Variants in SIM1 observed in about 807,000 individuals in gnomAD.
The protein encoded by SIM1 is single-minded homolog 1.
A neutral mutation model predicts 78.2 loss-of-function variants in SIM1; 18 were observed. The ratio of observed to expected loss-of-function variants is 0.23; its 90% CI spans 0.16 to 0.34. The LOEUF (loss-of-function observed/expected upper bound fraction) is 0.34, where lower values mean the gene tolerates loss of function less well. Among genes scored for constraint, SIM1 ranks in the 10% least tolerant of loss-of-function variants. The pLI is 1.00. For missense variants in SIM1, 939 were observed against 975.1 expected, an observed-to-expected ratio of 0.96 and a Z score of 0.49; for synonymous variants, 417 against 385.2, an observed-to-expected ratio of 1.08 and a Z score of -0.97.
At chr6:100,443,379 T>C (rs1303793049) in intron 9 of SIM1, among the ~76,000 whole-genome samples, 2 of 152,122 alleles carry the variant, frequency 1.3e-5, no homozygotes, top group Non-Finnish European at 2.9e-5. Flanking sequence ...AGTTGAGATG[T>C]TAAATCTGTC....
At chr6:100,423,089 A>T (rs1466527903) in intron 9 of SIM1, among the ~76,000 whole-genome samples, 1 of 152,230 alleles carries the variant, frequency 6.6e-6, no homozygotes, top group Admixed American at 6.5e-5. Flanking sequence ...CGATCTCATC[A>T]CTGGTCTACT....
At chr6:100,406,651 T>C (rs73760886) in intron 10 of SIM1, among the ~76,000 whole-genome samples, 1,647 of 152,260 alleles carry the variant, frequency 0.011, 32 homozygotes, top group African/African-American at 0.038. Context: ...ATATAAACTA[T>C]ATTAAACAAT....
intron 5 of SIM1, 46 bp downstream of exon 5, chr6:100,449,545 G>A (rs1772456514): frequency 6.3e-7 from 1 of 1,592,408 alleles, no homozygotes; most frequent in Non-Finnish European, 8.6e-7. Flanking sequence ...AAAACCACAA[G>A]CGGACTGCGA....
intron 10 of SIM1, among the ~76,000 whole-genome samples, chr6:100,400,148 G>A (rs1770871015): frequency 1.3e-5 from 2 of 151,890 alleles, no homozygotes; most frequent in South Asian, 4.1e-4. Flanking sequence ...AGGAGATATA[G>A]AAACATCCTG....
intron 9 of SIM1, among the ~76,000 whole-genome samples, chr6:100,426,407 T>C (rs1771731677): frequency 6.6e-6 from 1 of 152,218 alleles, no homozygotes; most frequent in Non-Finnish European, 1.5e-5. Flanking sequence ...TTTTGTATCA[T>C]TGGGCTTCCT....
chr6:100,401,204 A>G (rs1452706208), intron 10 of SIM1, among the ~76,000 whole-genome samples: 1 of 152,178 alleles, frequency 6.6e-6, no homozygotes, highest in Non-Finnish European at 1.5e-5. Context: ...ACTGAAGAAC[A>G]TTCTGTAAAA....
intron 10 of SIM1, among the ~76,000 whole-genome samples, chr6:100,409,157 G>T (rs933845415): frequency 2.0e-5 from 3 of 152,010 alleles, no homozygotes; most frequent in African/African-American, 7.2e-5. Context: ...ACAACGTGCA[G>T]GTTAGTTACA....
In SIM1 at chr6:100,389,825, C is replaced by T. The variant is rs142487291; in HGVS notation, c.*536G>A. ...ACCAAATGAGCTGGCTGATTTGAAA[C>T]CACAAAGAAGTCAGTTTATAAGATG... On this transcript the variant is annotated 3_prime_UTR_variant, in exon 12 of 12. Coordinates refer to ENST00000369208, the MANE Select transcript of SIM1 (RefSeq NM_005068.3). The T allele has an allele frequency of 2.5e-6, 1 of 398,420 alleles. No individual in the cohort carries two copies. The highest frequency in any genetic ancestry group is 3.6e-5 in the East Asian group (1 of 28,044). 24.7% of individuals were successfully genotyped at this position (398,420 alleles called of 1,614,324 possible). A position where few individuals can be genotyped will look rare whatever the true frequency, so the allele number is the denominator to read the frequency against.
chr6:100,414,746 A>C (rs1771356267), intron 10 of SIM1, among the ~76,000 whole-genome samples: 1 of 152,240 alleles, frequency 6.6e-6, no homozygotes, highest in African/African-American at 2.4e-5. Context: ...AGGGATAACT[A>C]TGCTTAAGAA....
chr6:100,388,221 C>T lies in SIM1; in HGVS notation c.*2140G>A, dbSNP rs1462198095. On this transcript the variant is annotated 3_prime_UTR_variant, in exon 12 of 12. Transcript: ENST00000369208. ...ACAGGGAGTTGGTTCCAGGATTACC[C>T]CCATATAATCAAATTCTCACATACT... 6.6e-6 allele frequency: 1 copy of T among 152,058 alleles called. No homozygotes were observed. The highest frequency in any genetic ancestry group is 1.5e-5 in the Non-Finnish European group (1 of 67,986). The allele number at this position is 152,058 out of a possible 1,614,324, so 9.4% of individuals were successfully genotyped here.
rs772351213 is a variant in SIM1, at chr6:100,390,736, G to C, written c.1926C>G (p.Ser642Arg). 3 of 1,614,106 alleles carry C rather than the reference G, an allele frequency of 1.9e-6. No individual in the cohort carries two copies. Among genetic ancestry groups the C allele is most frequent in the Non-Finnish European group, 2.5e-6 (3 of 1,180,020 alleles). ...TGTTGTCATAGTCATTTTCATGGGG[G>C]CTCAACATTTTTCCCTCTCTCTGCT... is the stretch of plus-strand genomic sequence containing the variant. ...HIQQREGKMLSPHENDYDNSP... is the reference protein window; with the variant it reads ...HIQQREGKMLRPHENDYDNSP... Residue 642 changes from serine (S) to arginine (R), a missense_variant, in exon 12 of 12, where the codon AGC becomes AGG. Transcript: ENST00000369208.
chr6:100,439,949 A>G (rs934398051), intron 9 of SIM1, among the ~76,000 whole-genome samples: 1 of 152,182 alleles, frequency 6.6e-6, no homozygotes, highest in Admixed American at 6.5e-5. Flanking sequence ...ACACACAAAG[A>G]GCACAAAACT....
intron 9 of SIM1, among the ~76,000 whole-genome samples, chr6:100,438,612 T>C (rs879453706): frequency 6.6e-6 from 1 of 152,178 alleles, no homozygotes; most frequent in African/African-American, 2.4e-5. Flanking sequence ...CACTACTGGG[T>C]ATCTACCCAA....
chr6:100,460,604 G>C (rs1772815981), intron 2 of SIM1, among the ~76,000 whole-genome samples: 1 of 152,150 alleles, frequency 6.6e-6, no homozygotes, highest in Non-Finnish European at 1.5e-5. Context: ...ATGTAAAGAT[G>C]AATTTCATCT....
chr6:100,398,451 C>T (rs1192209078), intron 10 of SIM1, among the ~76,000 whole-genome samples: 1 of 152,058 alleles, frequency 6.6e-6, no homozygotes, highest in African/African-American at 2.4e-5. Context: ...CCCTTCAGTT[C>T]CTTAACAACC....
chr6:100,453,136 G>A (rs1772557256), intron 3 of SIM1, among the ~76,000 whole-genome samples: 2 of 152,196 alleles, frequency 1.3e-5, no homozygotes, highest in African/African-American at 2.4e-5. Context: ...AAAACTGTGA[G>A]CACTACAAAC....
At chr6:100,395,717 C>T (rs1394292509) in intron 10 of SIM1, among the ~76,000 whole-genome samples, 1 of 152,190 alleles carries the variant, frequency 6.6e-6, no homozygotes, top group Non-Finnish European at 1.5e-5. Flanking sequence ...TTTCCCCTCA[C>T]CACTAGGCCC....
At chr6:100,427,711 A>G (rs1310255611) in intron 9 of SIM1, among the ~76,000 whole-genome samples, 1 of 152,196 alleles carries the variant, frequency 6.6e-6, no homozygotes, top group African/African-American at 2.4e-5. Context: ...CCATCACACT[A>G]CATCTAAATT....
intron 9 of SIM1, chr6:100,426,983 G>A (rs1771747944): frequency 6.6e-6 from 1 of 152,224 alleles, no homozygotes; most frequent in South Asian, 2.1e-4. Context: ...CAAAGGCGCT[G>A]ATTGAAATAA....
Sources: allele counts gnomAD v4.1 joint callset (sites outside exome capture counted in the v4.1 genomes callset), GRCh38; gene constraint gnomAD v4.1.1; transcripts MANE v1.5; gene names NCBI Gene and HGNC (gene_info 2026-07-23, HGNC 2026-07-21).